YAE1: variants seen among roughly 807,000 people sequenced by gnomAD.
YAE1 encodes the protein protein YAE1 homolog.
Under a neutral mutation model 23.0 loss-of-function variants are expected in YAE1, and 22 were observed. That is an observed-to-expected ratio of 0.96 (90% CI 0.68 to 1.37). YAE1 has a LOEUF of 1.37. Ranked by LOEUF, YAE1 falls within the 40% of genes most tolerant of loss-of-function variation. The pLI is 0.00. For synonymous variants in YAE1, 101 were observed against 97.0 expected, an observed-to-expected ratio of 1.04 and a Z score of -0.24; for missense variants, 260 against 262.1, an observed-to-expected ratio of 0.99 and a Z score of 0.06.
intron 2 of YAE1, among the ~76,000 whole-genome samples, chr7:39,601,228 C>T (rs1791051323): frequency 3.9e-5 from 6 of 152,198 alleles, no homozygotes; most frequent in Admixed American, 3.9e-4. Context: ...GTGCCAGGAA[C>T]ATGCTTAATT....
At chr7:39,568,878 T>C (rs1790517774) in intron 1 of YAE1, among the ~76,000 whole-genome samples, 1 of 152,158 alleles carries the variant, frequency 6.6e-6, no homozygotes, top group Non-Finnish European at 1.5e-5. Flanking sequence ...CTTAAAAATA[T>C]GAGGAAATTT....
intron 2 of YAE1, among the ~76,000 whole-genome samples, chr7:39,607,710 C>G (rs112533963): frequency 5.3e-5 from 8 of 152,282 alleles, no homozygotes; most frequent in African/African-American, 1.9e-4. Flanking sequence ...GCCCTGTTTC[C>G]CAGGCTGGAG....
At chr7:39,598,941 T>C (rs1183739356) in intron 2 of YAE1, among the ~76,000 whole-genome samples, 3 of 152,148 alleles carry the variant, frequency 2.0e-5, no homozygotes, top group Non-Finnish European at 2.9e-5. Context: ...GTAGGGATTC[T>C]ATAGCAATGG....
rs142132370 is a variant in YAE1, at chr7:39,572,480, T to C, written c.455T>C (p.Ile152Thr). The C allele has an allele frequency of 5.8e-5, 94 of 1,613,994 alleles. No individual in the cohort carries two copies. The South Asian group carries it at 9.4e-4, about 16-fold the overall frequency. Residue 152 changes from isoleucine to threonine, a missense_variant, in exon 3 of 3, where the codon ATT becomes ACT. Physicochemically the swap from Ile to Thr is moderately conservative, Grantham distance 89. Coordinates refer to ENST00000223273, the MANE Select transcript of YAE1 (RefSeq NM_020192.5). ...LCHVVPAEKK[I>T]DEAKDERLCE... The stretch of plus-strand genomic sequence containing the variant: ...CATGTAGTTCCAGCTGAGAAAAAGA[T>C]TGATGAAGCTAAAGATGAAAGACTC...
intron 2 of YAE1, among the ~76,000 whole-genome samples, chr7:39,591,728 G>T (rs1276189640): frequency 6.6e-6 from 1 of 152,120 alleles, no homozygotes; most frequent in African/African-American, 2.4e-5. Context: ...ACTTGGTGTT[G>T]TACATTCTAT....
At chr7:39,580,251 G>T (rs1318878884) in intron 2 of YAE1, among the ~76,000 whole-genome samples, 1 of 152,196 alleles carries the variant, frequency 6.6e-6, no homozygotes, top group Non-Finnish European at 1.5e-5. Flanking sequence ...CGGGAAGATA[G>T]TTTATGTCAC....
At position 39,585,769 on chromosome 7, in the gene YAE1, A is replaced by T. The variant is rs184226676; in HGVS notation, c.251+15142A>T. ...AACAAAAAGTTCCTACTGAAATGAA[A>T]TCATACCAAATGTACAAAAACTGCT... On this transcript the variant is annotated intron_variant, in intron 2 of 2. Coordinates refer to the YAE1 transcript ENST00000432096. 6.6e-5 allele frequency among the ~76,000 whole-genome samples: 10 copies of T among 152,348 alleles called. No individual in the cohort carries two copies. In the East Asian group the frequency reaches 1.9e-3, roughly 29 times the overall value.
At chr7:39,571,312 G>A (rs1479024600) in intron 2 of YAE1, among the ~76,000 whole-genome samples, 3 of 128,986 alleles carry the variant, frequency 2.3e-5, no homozygotes, top group Admixed American at 8.2e-5. Flanking sequence ...GCTATCATTA[G>A]TGTTAATGTA....
chr7:39,572,805 G>A lies in YAE1; in HGVS notation c.*99G>A. 1 of 1,454,278 alleles carries A rather than the reference G, an allele frequency of 6.9e-7. No individual in the cohort carries two copies. The highest frequency in any genetic ancestry group is 9.0e-7 in the Non-Finnish European group (1 of 1,108,098). The allele number at this position is 1,454,278 out of a possible 1,614,324, so 90.1% of individuals were successfully genotyped here. On this transcript the variant is annotated 3_prime_UTR_variant, in exon 3 of 3. Coordinates refer to ENST00000223273, the MANE Select transcript of YAE1 (RefSeq NM_020192.5). ...TTCTGCATCAAACACCTCAACTGTA[G>A]GGTTACCCTTTATGGAAGTTTGAAA...
At chr7:39,595,843 A>G (rs1790965164) in intron 2 of YAE1, among the ~76,000 whole-genome samples, 2 of 152,352 alleles carry the variant, frequency 1.3e-5, no homozygotes, top group South Asian at 2.1e-4. Context: ...CAAGGAACTC[A>G]TTTGGAAGCT....
At chr7:39,606,941 T>G (rs146472156) in intron 2 of YAE1, among the ~76,000 whole-genome samples, 3,309 of 152,320 alleles carry the variant, frequency 0.022, 49 homozygotes, top group Non-Finnish European at 0.031. Flanking sequence ...AATAAAATTT[T>G]TATTCCTTTC....
intron 2 of YAE1, among the ~76,000 whole-genome samples, chr7:39,585,929 C>T (rs1026735324): frequency 6.6e-6 from 1 of 152,194 alleles, no homozygotes; most frequent in African/African-American, 2.4e-5. Flanking sequence ...ATGGCAAAAC[C>T]TCATCTCTAC....
At chr7:39,580,121 A>G (rs1790719598) in intron 2 of YAE1, among the ~76,000 whole-genome samples, 1 of 152,250 alleles carries the variant, frequency 6.6e-6, no homozygotes, top group Non-Finnish European at 1.5e-5. Context: ...CTATACATGT[A>G]GAAAAAGAGA....
intron 2 of YAE1, among the ~76,000 whole-genome samples, chr7:39,578,256 A>G (rs1790686540): frequency 6.6e-6 from 1 of 152,242 alleles, no homozygotes; most frequent in Admixed American, 6.5e-5. Context: ...TTGTAAATAC[A>G]CCAATCAGCA....
intron 1 of YAE1, chr7:39,570,178 A>G: frequency 1.4e-6 from 1 of 707,306 alleles, no homozygotes; most frequent in Non-Finnish European, 2.4e-6. Flanking sequence ...GCGGAACTGC[A>G]AGACTCCTGG....
At chr7:39,600,608 G>T (rs1791041561) in intron 2 of YAE1, among the ~76,000 whole-genome samples, 1 of 152,096 alleles carries the variant, frequency 6.6e-6, no homozygotes, top group South Asian at 2.1e-4. Flanking sequence ...TGTTGGTCAG[G>T]CTGGTCTCGA....
intron 2 of YAE1, among the ~76,000 whole-genome samples, chr7:39,594,606 CATTTTTTTTTTTTGAGACAGT>C (rs1348695813): frequency 6.8e-6 from 1 of 146,110 alleles, no homozygotes; most frequent in East Asian, 1.9e-4. Flanking sequence ...AGTAGAACCT[CATTTTTTTTTTTTGAGACAGT>C]CTCACTCTTG....
At chr7:39,584,676 T>C (rs572435872) in intron 2 of YAE1, among the ~76,000 whole-genome samples, 79 of 152,190 alleles carry the variant, frequency 5.2e-4, no homozygotes, top group African/African-American at 1.7e-3. Context: ...TATACAGGGA[T>C]GGTCCAGTGG....
intron 2 of YAE1, among the ~76,000 whole-genome samples, chr7:39,599,646 C>T (rs1173922117): frequency 5.3e-5 from 8 of 151,960 alleles, no homozygotes; most frequent in African/African-American, 1.9e-4. Flanking sequence ...AATTAACTCT[C>T]ATAGTAAGTT....
Sources: gnomAD v4.1 joint callset for allele counts (sites outside exome capture counted in the v4.1 genomes callset) on GRCh38, gnomAD v4.1.1 for gene constraint, MANE v1.5 for transcripts, NCBI Gene and HGNC (gene_info 2026-07-23, HGNC 2026-07-21) for gene names.